Variants in COBL observed in about 807,000 individuals in gnomAD.
The protein encoded by COBL is cordon-bleu WH2 repeat protein, also known as protein cordon-bleu.
Under a neutral mutation model 98.8 loss-of-function variants are expected in COBL, and 51 were observed. That is an observed-to-expected ratio of 0.52 (90% CI 0.41 to 0.65). The LOEUF is 0.65. COBL is among the 30% of genes least tolerant of loss of function. COBL has a pLI of 0.00. For synonymous variants in COBL, 634 were observed against 651.7 expected (o/e 0.97, Z 0.41); for missense variants, 1,617 against 1,617.5 (o/e 1.00, Z 0.01).
chr7:51,181,803 G>C (rs543795220), intron 5 of COBL, among the ~76,000 whole-genome samples: 1 of 151,836 alleles, frequency 6.6e-6, no homozygotes, highest in Admixed American at 6.6e-5. Context: ...TGCAATCCAC[G>C]AACGGGACTG....
intron 12 of COBL, among the ~76,000 whole-genome samples, chr7:51,021,541 T>C (rs919881884): frequency 6.6e-6 from 1 of 152,114 alleles, no homozygotes. Context: ...TTGCCCAGAC[T>C]GGTCTCAAAC....
chr7:51,065,292 T>C (rs1420514034), intron 7 of COBL: 4 of 703,064 alleles, frequency 5.7e-6, no homozygotes, highest in East Asian at 2.7e-5. Context: ...ACTGGGGAAA[T>C]GGGGAGGAGG....
chr7:51,148,558 C>T (rs773934585), intron 5 of COBL, among the ~76,000 whole-genome samples: 1 of 152,238 alleles, frequency 6.6e-6, no homozygotes, highest in Non-Finnish European at 1.5e-5. Flanking sequence ...TGGCCCCTCT[C>T]CTGCCTAGCT....
At chr7:51,166,688 A>C (rs577330960) in intron 5 of COBL, among the ~76,000 whole-genome samples, 1 of 152,192 alleles carries the variant, frequency 6.6e-6, no homozygotes, top group Admixed American at 6.5e-5. Context: ...GATGAATATA[A>C]ATGCAAAAAT....
At chr7:51,124,607 T>A (rs1400660330) in intron 6 of COBL, among the ~76,000 whole-genome samples, 2 of 152,158 alleles carry the variant, frequency 1.3e-5, no homozygotes, top group Non-Finnish European at 2.9e-5. Context: ...GCTGCCACTG[T>A]CCTGGACACC....
chr7:51,265,509 A>G (rs1798117135), intron 1 of COBL, among the ~76,000 whole-genome samples: 1 of 152,210 alleles, frequency 6.6e-6, no homozygotes, highest in South Asian at 2.1e-4. Context: ...TTGCAGCCCT[A>G]GGAATAGAAC....
chr7:51,053,852 T>C (rs1328058411), intron 7 of COBL, among the ~76,000 whole-genome samples: 1 of 152,254 alleles, frequency 6.6e-6, no homozygotes, highest in African/African-American at 2.4e-5. Context: ...TCCTCTGCAA[T>C]GCAACATTTT....
chr7:51,084,891 C>T (rs1306308236), intron 7 of COBL, among the ~76,000 whole-genome samples: 2 of 152,156 alleles, frequency 1.3e-5, no homozygotes, highest in African/African-American at 4.8e-5. Context: ...CACTCACAGG[C>T]TTTCCATTTT....
chr7:51,220,698 C>T (rs913703475), intron 1 of COBL, among the ~76,000 whole-genome samples: 8 of 152,238 alleles, frequency 5.3e-5, no homozygotes, highest in South Asian at 4.2e-4. Flanking sequence ...AGGTAAATTG[C>T]GTGTCACCAG....
intron 1 of COBL, 109 bp downstream of exon 1, chr7:51,316,484 C>T: frequency 1.2e-6 from 1 of 813,022 alleles, no homozygotes; most frequent in Non-Finnish European, 1.6e-6. Flanking sequence ...CACCAGCACC[C>T]GCTGGGGCGG....
intron 2 of COBL, among the ~76,000 whole-genome samples, chr7:51,217,708 A>G (rs1328381040): frequency 1.3e-5 from 2 of 152,228 alleles, no homozygotes; most frequent in Non-Finnish European, 2.9e-5. Context: ...AATGGCGAGT[A>G]AACCCTAATA....
chr7:51,130,215 C>T (rs1401230902), intron 6 of COBL, among the ~76,000 whole-genome samples: 1 of 152,110 alleles, frequency 6.6e-6, no homozygotes, highest in Non-Finnish European at 1.5e-5. Flanking sequence ...GAAGGACTCT[C>T]TCTACTTTGC....
chr7:51,134,027 C>T (rs566367991), intron 6 of COBL, among the ~76,000 whole-genome samples: 1 of 152,260 alleles, frequency 6.6e-6, no homozygotes, highest in Admixed American at 6.5e-5. Context: ...GAAAATGAAC[C>T]TTTCCTCCTT....
intron 7 of COBL, among the ~76,000 whole-genome samples, chr7:51,055,803 T>C (rs1790692456): frequency 6.6e-6 from 1 of 152,240 alleles, no homozygotes; most frequent in South Asian, 2.1e-4. Flanking sequence ...TATCCCCATG[T>C]AGCTTTCTGT....
intron 5 of COBL, among the ~76,000 whole-genome samples, chr7:51,139,365 G>A (rs10481026): frequency 2.0e-3 from 304 of 152,282 alleles, no homozygotes; most frequent in African/African-American, 7.0e-3. Flanking sequence ...GTCAGAAGGC[G>A]GAAGTGCACC....
chr7:51,247,741 T>C (rs529540592), intron 1 of COBL, among the ~76,000 whole-genome samples: 8 of 152,288 alleles, frequency 5.3e-5, no homozygotes, highest in Non-Finnish European at 7.4e-5. Context: ...TTCGACCCTA[T>C]TGAAATTATC....
intron 5 of COBL, among the ~76,000 whole-genome samples, chr7:51,138,244 C>T (rs572234418): frequency 2.6e-5 from 4 of 152,310 alleles, no homozygotes; most frequent in African/African-American, 7.2e-5. Flanking sequence ...TAGGCTCCTA[C>T]AGAAAAATGT....
At chr7:51,159,850 A>C (rs1455594078) in intron 5 of COBL, among the ~76,000 whole-genome samples, 2 of 152,196 alleles carry the variant, frequency 1.3e-5, no homozygotes, top group Non-Finnish European at 2.9e-5. Context: ...GATGGGTTCC[A>C]GGTTTGCATT....
At chr7:51,252,228 T>G (rs1489322151) in intron 1 of COBL, among the ~76,000 whole-genome samples, 1 of 152,194 alleles carries the variant, frequency 6.6e-6, no homozygotes, top group Non-Finnish European at 1.5e-5. Context: ...CACCATATAA[T>G]TTGCCCATTT....
Sources: gnomAD v4.1 joint callset for allele counts (sites outside exome capture counted in the v4.1 genomes callset) on GRCh38, gnomAD v4.1.1 for gene constraint, MANE v1.5 for transcripts, NCBI Gene and HGNC (gene_info 2026-07-23, HGNC 2026-07-21) for gene names.